Variants in RSU1 observed in about 807,000 individuals in gnomAD.
RSU1 encodes rsu-1.
A neutral mutation model predicts 31.1 loss-of-function variants in RSU1; 26 were observed. The observed-to-expected ratio is 0.84, with a 90% confidence interval of 0.61 to 1.16. RSU1 has a LOEUF of 1.16. Ranked by LOEUF, RSU1 falls within the 50% of genes most tolerant of loss-of-function variation. The pLI is 0.00. For missense variants in RSU1, 320 were observed against 339.1 expected, an observed-to-expected ratio of 0.94 and a Z score of 0.44; for synonymous variants, 164 against 136.3, an observed-to-expected ratio of 1.20 and a Z score of -1.41.
intron 7 of RSU1, among the ~76,000 whole-genome samples, chr10:16,740,113 C>T (rs776730684): frequency 2.6e-5 from 4 of 152,164 alleles, no homozygotes; most frequent in Middle Eastern, 3.4e-3. Context: ...TTATGAGACT[C>T]GATAGTCCTG....
chr10:16,657,031 C>T (rs1834796396), intron 8 of RSU1, among the ~76,000 whole-genome samples: 3 of 152,142 alleles, frequency 2.0e-5, no homozygotes, highest in African/African-American at 7.2e-5. Context: ...GCTGAGAAAA[C>T]TGGTTCTTTA....
intron 4 of RSU1, among the ~76,000 whole-genome samples, chr10:16,759,134 CCTT>C (rs1221922369): frequency 6.6e-6 from 1 of 152,120 alleles, no homozygotes; most frequent in Non-Finnish European, 1.5e-5. Context: ...TTCAAAGAAA[CCTT>C]CTTGTCTAAA....
rs185965436 is a variant in RSU1 at position 16,700,185 on chromosome 10, C to T, written c.599-5030G>A. Among the ~76,000 whole-genome samples, 19 of 152,206 alleles carry T rather than the reference C, an allele frequency of 1.2e-4. No homozygotes were observed. In the East Asian group the frequency reaches 3.3e-3, roughly 26 times the overall value. ...TTTATCACATAGTAAGCAATCGAGG[C>T]GATCTGGGCAAATTTTTCACGTCAT... On this transcript the variant is annotated intron_variant, in intron 7 of 8. Coordinates refer to ENST00000345264, the MANE Select transcript of RSU1 (RefSeq NM_012425.4).
chr10:16,602,805 C>T (rs185065527), intron 8 of RSU1, among the ~76,000 whole-genome samples: 1 of 152,296 alleles, frequency 6.6e-6, no homozygotes, highest in Admixed American at 6.5e-5. Context: ...AATTTTGCTT[C>T]TAATCTGTAA....
intron 8 of RSU1, among the ~76,000 whole-genome samples, chr10:16,675,191 A>C (rs924850471): frequency 1.1e-4 from 14 of 127,642 alleles, no homozygotes; most frequent in South Asian, 2.7e-4. Flanking sequence ...ACAGAGCGAG[A>C]CTCTGTCTCA....
intron 8 of RSU1, among the ~76,000 whole-genome samples, chr10:16,676,320 T>C (rs981113803): frequency 1.3e-5 from 2 of 152,160 alleles, no homozygotes; most frequent in African/African-American, 2.4e-5. Context: ...AGATGAAGGA[T>C]GAGCAAAGGC....
intron 8 of RSU1, among the ~76,000 whole-genome samples, chr10:16,620,785 C>T (rs1834055827): frequency 6.6e-6 from 1 of 151,300 alleles, no homozygotes; most frequent in African/African-American, 2.4e-5. Context: ...GCGGAGCTTG[C>T]AGTCAGCTGA....
chr10:16,789,102 C>T (rs768947053), intron 2 of RSU1, among the ~76,000 whole-genome samples: 5 of 152,206 alleles, frequency 3.3e-5, no homozygotes, highest in East Asian at 1.9e-4. Flanking sequence ...CTCAGGTTCA[C>T]GAGGACAGAT....
rs1554767080 is a variant in RSU1, at chr10:16,695,167, G to GGAA, written c.599-13_599-12insTTC. On this transcript the variant is annotated splice_polypyrimidine_tract_variant and intron_variant, in intron 7 of 8. Transcript: ENST00000345264. ...TAAATCCAAGTTTCCTGGGGGGGGG[G>GGAA]AAAAAAAAAGTGAAGGTCACTTCAT... 32 of 1,321,948 alleles carry GGAA rather than the reference G, an allele frequency of 2.4e-5. No individual in the cohort carries two copies. The Admixed American group carries it at 2.5e-4, about 10-fold the overall frequency. The allele number at this position is 1,321,948 out of a possible 1,614,324, so 81.9% of individuals were successfully genotyped here.
intron 2 of RSU1, among the ~76,000 whole-genome samples, chr10:16,799,389 A>G (rs991500201): frequency 6.6e-6 from 1 of 152,194 alleles, no homozygotes; most frequent in Non-Finnish European, 1.5e-5. Flanking sequence ...GCAAACACAG[A>G]GAATCACAGC....
intron 7 of RSU1, among the ~76,000 whole-genome samples, chr10:16,733,265 C>T (rs370831375): frequency 2.3e-4 from 33 of 146,234 alleles, no homozygotes; most frequent in East Asian, 8.0e-4. Context: ...CCGAGATGGA[C>T]GGATCACCTG....
At chr10:16,700,640 C>G (rs1266143154) in intron 7 of RSU1, among the ~76,000 whole-genome samples, 1 of 152,120 alleles carries the variant, frequency 6.6e-6, no homozygotes, top group African/African-American at 2.4e-5. Flanking sequence ...GACAAGTGGC[C>G]GACTCTGGAA....
chr10:16,591,060 T>C lies in RSU1; in HGVS notation c.*2334A>G, dbSNP rs45514294. The C allele has an allele frequency of 0.29, 43,475 of 152,056 alleles. 8,998 individuals carry two copies. Among genetic ancestry groups the C allele is most frequent in the African/African-American group, 0.6 (24,675 of 41,404 alleles). 9.4% of individuals were successfully genotyped at this position (152,056 alleles called of 1,614,324 possible). On this transcript the variant is annotated 3_prime_UTR_variant, in exon 9 of 9. Transcript: ENST00000345264. Reference sequence around the variant, plus strand: ...CTGAGCAGCTGGGACTACAGGCGCATGCTGCGACGCCCGGCTAATTTTTTG... The same window carrying C: ...CTGAGCAGCTGGGACTACAGGCGCACGCTGCGACGCCCGGCTAATTTTTTG...
intron 8 of RSU1, among the ~76,000 whole-genome samples, chr10:16,594,688 T>C (rs975981189): frequency 7.1e-6 from 1 of 139,960 alleles, no homozygotes; most frequent in African/African-American, 3.0e-5. Flanking sequence ...ATTATCTGTA[T>C]ATTATATGTA....
intron 2 of RSU1, among the ~76,000 whole-genome samples, chr10:16,789,369 A>G (rs567131364): frequency 6.6e-6 from 1 of 152,330 alleles, no homozygotes; most frequent in South Asian, 2.1e-4. Context: ...TTAATAAAAG[A>G]TCTTTGAGAA....
At chr10:16,598,912 T>G (rs1031281827) in intron 8 of RSU1, among the ~76,000 whole-genome samples, 1 of 152,116 alleles carries the variant, frequency 6.6e-6, no homozygotes, top group Non-Finnish European at 1.5e-5. Context: ...GAAAATGAGT[T>G]TCTGGGATAA....
At chr10:16,749,613 TG>T in intron 7 of RSU1, among the ~76,000 whole-genome samples, 2 of 152,198 alleles carry the variant, frequency 1.3e-5, no homozygotes, top group South Asian at 4.1e-4. Context: ...CCTCAGGCGT[TG>T]GGGACACAAA....
At chr10:16,701,283 C>T (rs1835787845) in intron 7 of RSU1, among the ~76,000 whole-genome samples, 1 of 152,216 alleles carries the variant, frequency 6.6e-6, no homozygotes, top group Non-Finnish European at 1.5e-5. Flanking sequence ...TTGCAGTGAA[C>T]ATCACGCTTG....
intron 4 of RSU1, among the ~76,000 whole-genome samples, chr10:16,757,246 TA>T (rs1179842838): frequency 1.3e-4 from 19 of 150,762 alleles, no homozygotes; most frequent in East Asian, 5.8e-4. Context: ...AGCCAATTTT[TA>T]AAAAAAAAAT....
Sources: gnomAD v4.1 joint callset for allele counts (sites outside exome capture counted in the v4.1 genomes callset) on GRCh38, gnomAD v4.1.1 for gene constraint, MANE v1.5 for transcripts, NCBI Gene and HGNC (gene_info 2026-07-23, HGNC 2026-07-21) for gene names.